Variants in C5 observed in about 807,000 individuals in gnomAD.
The protein encoded by C5 is complement C5, also known as C3 and PZP-like alpha-2-macroglobulin domain-containing protein 4.
In C5, 140 loss-of-function variants were observed where a neutral mutation model predicts 218.8. The observed-to-expected ratio is 0.64, with a 90% confidence interval of 0.56 to 0.74. C5 has a LOEUF of 0.74. Ranked by LOEUF, C5 falls within the 30% of genes least tolerant of loss-of-function variation. The pLI is 0.00. For missense variants in C5, 1,700 were observed against 1,969.6 expected, an observed-to-expected ratio of 0.86 and a Z score of 2.59; for synonymous variants, 614 against 682.3, an observed-to-expected ratio of 0.90 and a Z score of 1.56.
chr9:120,959,204 T>A (rs928728437), intron 38 of C5, among the ~76,000 whole-genome samples: 14 of 152,134 alleles, frequency 9.2e-5, no homozygotes, highest in Admixed American at 3.3e-4. Context: ...TGTGTTTATT[T>A]TTTTAATTTA....
chr9:120,964,597 A>G (rs1291868147), intron 33 of C5, among the ~76,000 whole-genome samples: 1 of 152,206 alleles, frequency 6.6e-6, no homozygotes, highest in African/African-American at 2.4e-5. Flanking sequence ...TAGCTACTTT[A>G]TATAGAAAAT....
rs2046797187 is a variant in C5, at chr9:120,957,776, T to C, written c.4679-408A>G. On this transcript the variant is annotated intron_variant, in intron 38 of 40. Coordinates refer to ENST00000223642, the MANE Select transcript of C5 (RefSeq NM_001735.3). ...GAGGAGGCCTTATCTCTCATTCAGGTCTACCATGTGAGCTTTCTTGGTTCC... is the reference window on the plus strand; with the variant it reads ...GAGGAGGCCTTATCTCTCATTCAGGCCTACCATGTGAGCTTTCTTGGTTCC... Among the ~76,000 whole-genome samples the C allele has an allele frequency of 2.0e-5, 3 of 152,330 alleles. No individual in the cohort carries two copies. In the South Asian group the frequency reaches 6.2e-4, roughly 32 times the overall value.
intron 1 of C5, among the ~76,000 whole-genome samples, chr9:121,049,898 G>C (rs767716498): frequency 2.7e-4 from 41 of 152,132 alleles, no homozygotes; most frequent in Non-Finnish European, 5.1e-4. Context: ...AAAATGTCAA[G>C]AAAGTTTATT....
At chr9:120,997,032 C>G (rs975916464) in intron 21 of C5, among the ~76,000 whole-genome samples, 2 of 151,928 alleles carry the variant, frequency 1.3e-5, no homozygotes, top group Admixed American at 6.6e-5. Context: ...TACTTTTCTT[C>G]TTTTTTGGGA....
At chr9:121,045,132 T>C (rs1225703619) in intron 2 of C5, among the ~76,000 whole-genome samples, 1 of 152,046 alleles carries the variant, frequency 6.6e-6, no homozygotes, top group African/African-American at 2.4e-5. Flanking sequence ...AAATGAATTT[T>C]AATTGTTAAC....
At chr9:121,014,336 C>T (rs1223612446) in intron 16 of C5, among the ~76,000 whole-genome samples, 1 of 152,092 alleles carries the variant, frequency 6.6e-6, no homozygotes. Flanking sequence ...GAAACTGGAA[C>T]TTTGGGTTCT....
rs2046750971 is a variant in C5 at position 120,952,420 on chromosome 9, C to A, written c.*319G>T. On this transcript the variant is annotated 3_prime_UTR_variant, in exon 41 of 41. Transcript: ENST00000223642. ...CAAAGGCCATGTTTTTGTAATACTC[C>A]CTTTCAATGGACTGTTCTTTCGGCC... 3.1e-6 allele frequency: 1 copy of A among 325,916 alleles called. No homozygotes were observed. The allele number at this position is 325,916 out of a possible 1,614,324, so 20.2% of individuals were successfully genotyped here. A position where few individuals can be genotyped will look rare whatever the true frequency, so the allele number is the denominator to read the frequency against.
intron 15 of C5, among the ~76,000 whole-genome samples, chr9:121,015,812 C>A (rs1235541758): frequency 6.6e-6 from 1 of 152,106 alleles, no homozygotes; most frequent in African/African-American, 2.4e-5. Flanking sequence ...CTAGTCCCTG[C>A]AATAGCCTCC....
At position 120,996,107 on chromosome 9, in the gene C5, C is replaced by T; in HGVS notation, c.2851+133G>A. The T allele has an allele frequency of 3.8e-6, 3 of 780,998 alleles. No individual in the cohort carries two copies. The South Asian group carries it at 4.3e-5, about 11-fold the overall frequency. 48.4% of individuals were successfully genotyped at this position (780,998 alleles called of 1,614,324 possible). A position where few individuals can be genotyped will look rare whatever the true frequency, so the allele number is the denominator to read the frequency against. On this transcript the variant is annotated intron_variant, in intron 22 of 40. Transcript: ENST00000223642. ...GTGCTAGGATTACAGGCATGAGCCA[C>T]TGTGCCTGGCCAGAAGTGGATACTA...
chr9:120,995,095 A>G (rs1268409311), intron 22 of C5, among the ~76,000 whole-genome samples: 1 of 152,190 alleles, frequency 6.6e-6, no homozygotes, highest in Non-Finnish European at 1.5e-5. Flanking sequence ...ACAAGTAAGC[A>G]TGTGGACGCA....
chr9:120,998,110 G>T (rs572150429), intron 20 of C5, among the ~76,000 whole-genome samples: 1 of 152,110 alleles, frequency 6.6e-6, no homozygotes. Context: ...GCCCAGACTC[G>T]AAATACTTTA....
intron 38 of C5, among the ~76,000 whole-genome samples, chr9:120,958,739 G>A (rs1223689249): frequency 6.6e-6 from 1 of 152,054 alleles, no homozygotes; most frequent in African/African-American, 2.4e-5. Context: ...GCATGACCTT[G>A]AGCAAATTAT....
intron 11 of C5, 31 bp from the exon 12 acceptor site, chr9:121,020,210 T>G: frequency 1.1e-5 from 15 of 1,391,258 alleles, no homozygotes; most frequent in Non-Finnish European, 1.5e-5. Flanking sequence ...AAGACATGTA[T>G]ACTGTGATGT....
At chr9:121,018,925 C>T (rs1252335377) in intron 12 of C5, among the ~76,000 whole-genome samples, 1 of 152,058 alleles carries the variant, frequency 6.6e-6, no homozygotes, top group Admixed American at 6.6e-5. Context: ...GAAACTGAGG[C>T]TCAGAAACTA....
chr9:121,062,453 T>C, the C5 span, among the ~76,000 whole-genome samples: 1 of 152,230 alleles, frequency 6.6e-6, no homozygotes, highest in South Asian at 2.1e-4. Context: ...ACTGCATAGG[T>C]TGCATGCTCA....
the C5 span, among the ~76,000 whole-genome samples, chr9:121,070,007 A>T: frequency 6.6e-6 from 1 of 152,192 alleles, no homozygotes; most frequent in Non-Finnish European, 1.5e-5. Context: ...TTATTGCAGC[A>T]CTATTCATAA....
In C5 at chr9:120,974,045, A is replaced by G. The variant is rs1161670298; in HGVS notation, c.4017+734T>C. Among the ~76,000 whole-genome samples the G allele has an allele frequency of 5.9e-5, 9 of 152,226 alleles. No homozygotes were observed. In the East Asian group the frequency reaches 1.5e-3, roughly 26 times the overall value. On this transcript the variant is annotated intron_variant, in intron 30 of 40. Transcript: ENST00000223642. Reference sequence around the variant, plus strand: ...CAATTTGTGAAGGATGTCAACAATGAGGATTATTTCCAATTACTGTACATT... The same window carrying G: ...CAATTTGTGAAGGATGTCAACAATGGGGATTATTTCCAATTACTGTACATT...
chr9:121,055,349 T>A, the C5 span, among the ~76,000 whole-genome samples: 1 of 152,096 alleles, frequency 6.6e-6, no homozygotes, highest in Non-Finnish European at 1.5e-5. Context: ...CAAGGTCTAG[T>A]GCTGTCCTGG....
In C5 at chr9:121,021,515, C is replaced by T. The variant is rs758934901; in HGVS notation, c.1296G>A (p.Glu432=). The T allele has an allele frequency of 1.4e-5, 22 of 1,612,726 alleles. No homozygotes were observed. Among genetic ancestry groups the T allele is most frequent in the Non-Finnish European group, 1.9e-5 (22 of 1,178,800 alleles). Residue 432 remains glutamate (E), a synonymous_variant, in exon 11 of 41, where the codon GAG becomes GAA. Transcript: ENST00000223642. ...LNLPSGVTVL[E]FNVKTDAPDL... ...ACAGGAGAATTCAGCTCACATTAAA[C>T]TCCAGCACCGTCACTCCAGATGGGA...
Sources: gnomAD v4.1 joint callset for allele counts (sites outside exome capture counted in the v4.1 genomes callset) on GRCh38, gnomAD v4.1.1 for gene constraint, MANE v1.5 for transcripts, NCBI Gene and HGNC (gene_info 2026-07-23, HGNC 2026-07-21) for gene names.